SYNPR: variants seen among roughly 807,000 people sequenced by gnomAD.
The protein encoded by SYNPR is synaptoporin.
In SYNPR, 23 loss-of-function variants were observed where a neutral mutation model predicts 32.9. The ratio of observed to expected loss-of-function variants is 0.70; its 90% confidence interval spans 0.50 to 0.99. The LOEUF (loss-of-function observed/expected upper bound fraction) is 0.99, where lower values mean the gene tolerates loss of function less well. Among genes scored for constraint, SYNPR ranks in the 50% least tolerant of loss-of-function variants. SYNPR has a pLI of 0.00. For missense variants in SYNPR, 318 were observed against 349.3 expected (o/e 0.91, Z 0.71); for synonymous variants, 146 against 135.9 (o/e 1.07, Z -0.52).
At chr3:63,584,834 T>A (rs1703154782) in intron 4 of SYNPR, among the ~76,000 whole-genome samples, 1 of 152,218 alleles carries the variant, frequency 6.6e-6, no homozygotes, top group African/African-American at 2.4e-5. Context: ...GAAGTATTTA[T>A]GGAGGAGGTT....
intron 4 of SYNPR, among the ~76,000 whole-genome samples, chr3:63,587,628 A>G (rs77196456): frequency 0.011 from 1,634 of 152,220 alleles, 63 homozygotes; most frequent in East Asian, 0.072. Context: ...AACATAAAGC[A>G]AAGTTCAGAG....
intron 1 of SYNPR, among the ~76,000 whole-genome samples, chr3:63,235,883 T>C (rs12330918): frequency 0.23 from 35,274 of 151,964 alleles, 4,405 homozygotes; most frequent in South Asian, 0.39. Flanking sequence ...TGAAGTCCAA[T>C]CTATCAATTT....
intron 3 of SYNPR, among the ~76,000 whole-genome samples, chr3:63,520,749 T>C (rs368711189): frequency 6.6e-6 from 1 of 151,376 alleles, no homozygotes; most frequent in Non-Finnish European, 1.5e-5. Flanking sequence ...ACCCAGCTAG[T>C]GAGAGGTGAG....
At chr3:63,588,858 T>A (rs1703250739) in intron 4 of SYNPR, among the ~76,000 whole-genome samples, 1 of 152,058 alleles carries the variant, frequency 6.6e-6, no homozygotes, top group South Asian at 2.1e-4. Context: ...GCACTCAAGC[T>A]TATCTTTCTA....
intron 2 of SYNPR, among the ~76,000 whole-genome samples, chr3:63,414,115 A>C (rs905025218): frequency 6.6e-6 from 1 of 151,904 alleles, no homozygotes; most frequent in African/African-American, 2.4e-5. Flanking sequence ...CTTGATTGAC[A>C]ACCTCTGTTT....
intron 3 of SYNPR, among the ~76,000 whole-genome samples, chr3:63,518,027 G>A (rs771245260): frequency 2.0e-5 from 3 of 152,116 alleles, no homozygotes; most frequent in Non-Finnish European, 4.4e-5. Flanking sequence ...TCCCACTTAG[G>A]CTGACTTCAC....
rs10644651 is a variant in SYNPR at position 63,266,707 on chromosome 3, C to CAAAAA, written n.155-603_155-599dup. Among the ~76,000 whole-genome samples, 8 of 120,418 alleles carry CAAAAA rather than the reference C, an allele frequency of 6.6e-5. 1 individual carries two copies. Among genetic ancestry groups the CAAAAA allele is most frequent in the African/African-American group, 1.2e-4 (4 of 32,460 alleles). 79.0% of individuals were successfully genotyped at this position (120,418 alleles called of 152,430 possible). A position where few individuals can be genotyped will look rare whatever the true frequency, so the allele number is the denominator to read the frequency against. ...GGGCGACAAGAGCAAAACTCCGTCT[C>CAAAAA]AAAAAAAAAAACACAAAAAACCACA... On this transcript the variant is annotated intron_variant and non_coding_transcript_variant, in intron 2 of 4. Transcript: ENST00000478456.
chr3:63,517,230 C>T (rs916868647), intron 3 of SYNPR, among the ~76,000 whole-genome samples: 10 of 152,120 alleles, frequency 6.6e-5, no homozygotes, highest in Admixed American at 5.9e-4. Flanking sequence ...AGGCAGGCAG[C>T]TTTAGAACCA....
chr3:63,394,838 T>C (rs2088190722), intron 2 of SYNPR, among the ~76,000 whole-genome samples: 1 of 152,166 alleles, frequency 6.6e-6, no homozygotes, highest in Non-Finnish European at 1.5e-5. Flanking sequence ...ATTTTCTCAC[T>C]AAAAGCAAAT....
intron 2 of SYNPR, among the ~76,000 whole-genome samples, chr3:63,422,087 A>G (rs560669720): frequency 6.6e-6 from 1 of 152,294 alleles, no homozygotes; most frequent in Non-Finnish European, 1.5e-5. Flanking sequence ...GTGTTGTATC[A>G]TTATTTTTAC....
intron 2 of SYNPR, among the ~76,000 whole-genome samples, chr3:63,325,652 G>GATTTGCTCAATCCC (rs2087158232): frequency 6.6e-6 from 1 of 151,978 alleles, no homozygotes; most frequent in Admixed American, 6.6e-5. Context: ...ACTCCAAATG[G>GATTTGCTCAATCCC]AGACTGAGCA....
chr3:63,452,091 T>G, intron 2 of SYNPR: 1 of 702,332 alleles, frequency 1.4e-6, no homozygotes, highest in East Asian at 2.7e-5. Flanking sequence ...TCTCAAACGT[T>G]TTTTCTCTGG....
intron 2 of SYNPR, among the ~76,000 whole-genome samples, chr3:63,408,931 T>C (rs905879537): frequency 2.6e-5 from 4 of 152,146 alleles, no homozygotes; most frequent in African/African-American, 9.7e-5. Context: ...AAGCCAACTC[T>C]GCCCTCCACT....
Position 63,259,841 on chromosome 3 carries a change from G to A in SYNPR, n.154+7255G>A, listed in dbSNP as rs183567288. On this transcript the variant is annotated intron_variant and non_coding_transcript_variant, in intron 2 of 4. Transcript: ENST00000478456. ...TAGAAAACCCCATCGTCTCAGCCCAGAATCTCCTTAAGGTGATAGACAACT... is the reference window on the plus strand; with the variant it reads ...TAGAAAACCCCATCGTCTCAGCCCAAAATCTCCTTAAGGTGATAGACAACT... 1.5e-3 allele frequency among the ~76,000 whole-genome samples: 227 copies of A among 152,218 alleles called. 1 individual carries two copies. The highest frequency in any genetic ancestry group is 6.8e-3 in the Middle Eastern group (2 of 294).
intron 2 of SYNPR, among the ~76,000 whole-genome samples, chr3:63,396,018 T>C (rs527618464): frequency 6.6e-6 from 1 of 152,328 alleles, no homozygotes; most frequent in East Asian, 1.9e-4. Flanking sequence ...CCTAATCATG[T>C]TAGCTATTAC....
chr3:63,444,454 A>T (rs1055307741), intron 2 of SYNPR: 1 of 152,204 alleles, frequency 6.6e-6, no homozygotes, highest in Non-Finnish European at 1.5e-5. Flanking sequence ...TATACAATCA[A>T]CAAATCTGCA....
In SYNPR at chr3:63,278,359, A is replaced by G; in HGVS notation, c.-175A>G. 1 of 761,538 alleles carries G rather than the reference A, an allele frequency of 1.3e-6. No individual in the cohort carries two copies. Among genetic ancestry groups the G allele is most frequent in the Non-Finnish European group, 2.1e-6 (1 of 483,132 alleles). The allele number at this position is 761,538 out of a possible 1,614,324, so 47.2% of individuals were successfully genotyped here. A position where few individuals can be genotyped will look rare whatever the true frequency, so the allele number is the denominator to read the frequency against. ...CCGACGCGCTGGGTTCCCGGAGCGC[A>G]GAGCCCAGCGTTAGCGGGTGGGCTC... is the stretch of plus-strand genomic sequence containing the variant. On this transcript the variant is annotated 5_prime_UTR_variant, in exon 1 of 6. Coordinates refer to ENST00000478300, the MANE Select transcript of SYNPR (RefSeq NM_001130003.2).
intron 2 of SYNPR, among the ~76,000 whole-genome samples, chr3:63,263,108 T>C (rs2086453201): frequency 6.6e-6 from 1 of 152,228 alleles, no homozygotes; most frequent in African/African-American, 2.4e-5. Context: ...CTGCAGCTCC[T>C]GATGGGAACA....
chr3:63,487,820 GAGT>G (rs1553640607), intron 3 of SYNPR, among the ~76,000 whole-genome samples: 1 of 152,178 alleles, frequency 6.6e-6, no homozygotes, highest in Non-Finnish European at 1.5e-5. Context: ...GGCATCGGTG[GAGT>G]AGGAGACTGA....
Sources: allele counts gnomAD v4.1 joint callset (sites outside exome capture counted in the v4.1 genomes callset), GRCh38; gene constraint gnomAD v4.1.1; transcripts MANE v1.5; gene names NCBI Gene and HGNC (gene_info 2026-07-23, HGNC 2026-07-21).